The following TPTE2 variants were observed in gnomAD, a reference collection of about 807,000 sequenced individuals.
TPTE2 encodes phosphatidylinositol 3,4,5-trisphosphate 3-phosphatase TPTE2.
Under a neutral mutation model 78.6 loss-of-function variants are expected in TPTE2, and 53 were observed. The observed-to-expected ratio is 0.67, with a 90% CI of 0.54 to 0.85. The LOEUF is 0.85. TPTE2 is among the 40% of genes least tolerant of loss of function. The probability of loss-of-function intolerance (pLI) is 0.00; values close to 1 mark genes in which losing one functional copy is unlikely to be tolerated. For synonymous variants in TPTE2, 175 were observed against 206.2 expected, an observed-to-expected ratio of 0.85 and a Z score of 1.30; for missense variants, 461 against 623.0, an observed-to-expected ratio of 0.74 and a Z score of 2.77.
chr13:19,424,942 C>G lies in TPTE2; in HGVS notation c.1466+5G>C. The G allele has an allele frequency of 6.8e-7, 1 of 1,472,606 alleles. No individual in the cohort carries two copies. The highest frequency in any genetic ancestry group is 9.3e-7 in the Non-Finnish European group (1 of 1,071,236). The allele number at this position is 1,472,606 out of a possible 1,614,324, so 91.2% of individuals were successfully genotyped here. A position where few individuals can be genotyped will look rare whatever the true frequency, so the allele number is the denominator to read the frequency against. Reference sequence around the variant, plus strand: ...TGTTTCTATGGGTTTCTATTATATTCATACCTGTTATTTTGAATAAAAGAC... The same window carrying G: ...TGTTTCTATGGGTTTCTATTATATTGATACCTGTTATTTTGAATAAAAGAC... On this transcript the variant is annotated splice_donor_5th_base_variant and intron_variant, in intron 19 of 19. Transcript: ENST00000400230.
chr13:19,433,690 G>A (rs915727591), intron 15 of TPTE2, among the ~76,000 whole-genome samples: 4 of 152,186 alleles, frequency 2.6e-5, no homozygotes, highest in African/African-American at 9.7e-5. Context: ...CCACAATGCA[G>A]GATCAGAATG....
intron 17 of TPTE2, among the ~76,000 whole-genome samples, chr13:19,428,974 T>A (rs147001386): frequency 1.3e-5 from 2 of 152,264 alleles, no homozygotes; most frequent in Non-Finnish European, 2.9e-5. Flanking sequence ...AGAGGCCTGA[T>A]AATTATCACA....
chr13:19,549,464 C>T, the TPTE2 span, among the ~76,000 whole-genome samples: 1 of 152,166 alleles, frequency 6.6e-6, no homozygotes, highest in Non-Finnish European at 1.5e-5. Context: ...TACCACTGCA[C>T]ACCAGTCTGA....
At chr13:19,509,492 A>T (rs1288663384) in intron 1 of TPTE2, among the ~76,000 whole-genome samples, 3 of 152,178 alleles carry the variant, frequency 2.0e-5, no homozygotes, top group African/African-American at 7.2e-5. Context: ...ATATGTTAAT[A>T]AATGTGAAAA....
At chr13:19,483,067 T>C (rs1489214260) in intron 3 of TPTE2, among the ~76,000 whole-genome samples, 9 of 152,204 alleles carry the variant, frequency 5.9e-5, no homozygotes, top group Non-Finnish European at 1.0e-4. Context: ...AACTACTTTA[T>C]TGGTTAAAAA....
At chr13:19,491,988 T>C (rs1881018788) in intron 3 of TPTE2, among the ~76,000 whole-genome samples, 1 of 152,194 alleles carries the variant, frequency 6.6e-6, no homozygotes, top group Admixed American at 6.5e-5. Flanking sequence ...TACCTAGATG[T>C]TCCCTTAATC....
At chr13:19,521,090 T>A (rs1198423686) in intron 1 of TPTE2, among the ~76,000 whole-genome samples, 1 of 152,068 alleles carries the variant, frequency 6.6e-6, no homozygotes. Flanking sequence ...TGGAGAATGC[T>A]ATAGATATCT....
At chr13:19,553,352 A>G in the TPTE2 span, among the ~76,000 whole-genome samples, 1 of 152,224 alleles carries the variant, frequency 6.6e-6, no homozygotes, top group African/African-American at 2.4e-5. Context: ...GGGAAAGTAA[A>G]ATGGTACAAT....
At chr13:19,538,854 C>G (rs1053690266), upstream of TPTE2, among the ~76,000 whole-genome samples, 2 of 152,128 alleles carry the variant, frequency 1.3e-5, no homozygotes, top group Non-Finnish European at 2.9e-5. Flanking sequence ...TCATTTAAAT[C>G]ATAAATCCGA....
At chr13:19,546,783 C>T in the TPTE2 span, among the ~76,000 whole-genome samples, 1 of 151,906 alleles carries the variant, frequency 6.6e-6, no homozygotes. Context: ...AGCCACCACA[C>T]CCAGCCCAAC....
At position 19,467,198 on chromosome 13, in the gene TPTE2, A is replaced by G. The variant is rs753279002; in HGVS notation, c.512+27T>C. The G allele has an allele frequency of 4.5e-6, 7 of 1,552,020 alleles. No homozygotes were observed. In the Admixed American group the frequency reaches 1.2e-4, roughly 26 times the overall value. On this transcript the variant is annotated intron_variant, in intron 7 of 19. Transcript: ENST00000400230. The stretch of plus-strand genomic sequence containing the variant: ...AATGCTAAAAGTAATGAAAAACTTT[A>G]AGAGAGGTAAGTCTTATGTTTCATA...
At chr13:19,435,496 C>T (rs1189446216) in intron 15 of TPTE2, among the ~76,000 whole-genome samples, 1 of 152,042 alleles carries the variant, frequency 6.6e-6, no homozygotes, top group Non-Finnish European at 1.5e-5. Context: ...GCTGAAATGA[C>T]TGTTGCAGCA....
At chr13:19,555,951 TACAGGCGCCCACC>T in the TPTE2 span, among the ~76,000 whole-genome samples, 1 of 151,806 alleles carries the variant, frequency 6.6e-6, no homozygotes, top group African/African-American at 2.4e-5. Flanking sequence ...TAGCTGGGAT[TACAGGCGCCCACC>T]ACCATGCGCA....
At chr13:19,430,441 T>C in intron 17 of TPTE2, 27 bp downstream of exon 20, 4 of 1,565,502 alleles carry the variant, frequency 2.6e-6, no homozygotes, top group Non-Finnish European at 3.5e-6. Context: ...AACATCAGAT[T>C]TTTTCAATTC....
In TPTE2 at chr13:19,468,025, CTTTTTTTTTTTTTTTTT is replaced by C. The variant is rs71092364; in HGVS notation, c.393-698_393-682del. Among the ~76,000 whole-genome samples, 28 of 45,494 alleles carry C rather than the reference CTTTTTTTTTTTTTTTTT, an allele frequency of 6.2e-4. 1 individual carries two copies. Among genetic ancestry groups the C allele is most frequent in the African/African-American group, 2.0e-3 (21 of 10,640 alleles). 29.8% of individuals were successfully genotyped at this position (45,494 alleles called of 152,430 possible). On this transcript the variant is annotated intron_variant, in intron 6 of 19. Transcript: ENST00000400230. ...CATGTTGTTCCAAATGACAGGATCT[CTTTTTTTTTTTTTTTTT>C]TTTTTTTTTTTTTTTTGAGATGGAG...
chr13:19,437,469 CA>C (rs1837635596), intron 14 of TPTE2, among the ~76,000 whole-genome samples: 1 of 152,194 alleles, frequency 6.6e-6, no homozygotes, highest in Admixed American at 6.5e-5. Context: ...ATTGACTAAG[CA>C]AAGATATTTA....
At chr13:19,422,990 G>C in exon 20 of TPTE2, 6 of 1,579,080 alleles carry the variant, frequency 3.8e-6, no homozygotes, top group Non-Finnish European at 5.2e-6. Context: ...GGGTTGGAAA[G>C]AACATAATTC....
At chr13:19,456,993 G>C (rs1878576701) in intron 10 of TPTE2, among the ~76,000 whole-genome samples, 1 of 152,052 alleles carries the variant, frequency 6.6e-6, no homozygotes. Flanking sequence ...ATAACAAAAG[G>C]ACAAAAAGCC....
intron 19 of TPTE2, 44 bp downstream of exon 22, chr13:19,424,903 A>G (rs1875904896): frequency 8.4e-7 from 1 of 1,194,916 alleles, no homozygotes; most frequent in Non-Finnish European, 1.2e-6. Context: ...ATTTATAGAC[A>G]TTGAAGATTA....
Sources: gnomAD v4.1 joint callset for allele counts (sites outside exome capture counted in the v4.1 genomes callset) on GRCh38, gnomAD v4.1.1 for gene constraint, MANE v1.5 for transcripts, NCBI Gene and HGNC (gene_info 2026-07-23, HGNC 2026-07-21) for gene names.